Variants in IMMP2L observed in about 807,000 individuals in gnomAD.
The protein encoded by IMMP2L is inner mitochondrial membrane peptidase subunit 2.
In IMMP2L, 18 loss-of-function variants were observed where a neutral mutation model predicts 19.3. The observed-to-expected ratio is 0.93, with a 90% CI of 0.64 to 1.38. The LOEUF is 1.38. Ranked by LOEUF, IMMP2L falls within the 40% of genes most tolerant of loss-of-function variation. The pLI is 0.00. For missense variants in IMMP2L, 233 were observed against 218.2 expected, an observed-to-expected ratio of 1.07 and a Z score of -0.43; for synonymous variants, 76 against 73.0, an observed-to-expected ratio of 1.04 and a Z score of -0.21.
At chr7:111,328,518 T>C (rs1236154657) in intron 3 of IMMP2L, among the ~76,000 whole-genome samples, 2 of 151,780 alleles carry the variant, frequency 1.3e-5, no homozygotes, top group South Asian at 2.1e-4. Flanking sequence ...GAATATAAAG[T>C]AAATGGCAAT....
intron 3 of IMMP2L, among the ~76,000 whole-genome samples, chr7:111,458,373 C>T (rs1652381699): frequency 6.6e-6 from 1 of 151,106 alleles, no homozygotes; most frequent in Admixed American, 6.6e-5. Flanking sequence ...AACAAGACAC[C>T]ATCTCAAGAA....
intron 4 of IMMP2L, among the ~76,000 whole-genome samples, chr7:110,952,016 T>C (rs1817879718): frequency 6.6e-6 from 1 of 152,164 alleles, no homozygotes. Flanking sequence ...AGACTCTTTC[T>C]GACATGCTTC....
chr7:111,432,905 C>T (rs1344551198), intron 3 of IMMP2L, among the ~76,000 whole-genome samples: 1 of 150,314 alleles, frequency 6.7e-6, no homozygotes, highest in Non-Finnish European at 1.5e-5. Flanking sequence ...ACACCAGTAA[C>T]GACCTAGCCA....
At chr7:111,547,051 T>A (rs1309084290) in intron 1 of IMMP2L, among the ~76,000 whole-genome samples, 1 of 152,136 alleles carries the variant, frequency 6.6e-6, no homozygotes, top group Admixed American at 6.5e-5. Flanking sequence ...AAGTAAGTTT[T>A]TCTTAATCTA....
intron 4 of IMMP2L, among the ~76,000 whole-genome samples, chr7:110,922,750 C>A (rs1234876197): frequency 2.6e-5 from 4 of 152,038 alleles, no homozygotes; most frequent in African/African-American, 7.2e-5. Flanking sequence ...ATTCTGCAGC[C>A]ACCGATTGTA....
intron 3 of IMMP2L, among the ~76,000 whole-genome samples, chr7:111,263,636 T>TCC (rs1817550080): frequency 6.6e-6 from 1 of 152,158 alleles, no homozygotes; most frequent in African/African-American, 2.4e-5. Context: ...TCAATGGTAT[T>TCC]TTTAAACCAC....
At chr7:111,447,835 T>A (rs1838667735) in intron 3 of IMMP2L, among the ~76,000 whole-genome samples, 2 of 151,698 alleles carry the variant, frequency 1.3e-5, no homozygotes, top group Admixed American at 6.6e-5. Context: ...GAGACACACA[T>A]AGGCTCAAAA....
intron 3 of IMMP2L, among the ~76,000 whole-genome samples, chr7:111,480,231 C>T (rs1842062703): frequency 6.6e-6 from 1 of 151,562 alleles, no homozygotes; most frequent in South Asian, 2.1e-4. Flanking sequence ...CTACAGGCGC[C>T]CACCACCACG....
At chr7:110,684,894 C>T (rs546733764) in intron 5 of IMMP2L, among the ~76,000 whole-genome samples, 6 of 152,202 alleles carry the variant, frequency 3.9e-5, no homozygotes, top group African/African-American at 1.4e-4. Context: ...TCTGGCCACG[C>T]TCAACCTACT....
chr7:111,287,335 T>C (rs1362291371), intron 3 of IMMP2L, among the ~76,000 whole-genome samples: 1 of 152,148 alleles, frequency 6.6e-6, no homozygotes, highest in Non-Finnish European at 1.5e-5. Context: ...TCAGAAGTAT[T>C]TACTAAGCAA....
At chr7:111,414,546 G>A (rs1834779233) in intron 3 of IMMP2L, among the ~76,000 whole-genome samples, 1 of 151,798 alleles carries the variant, frequency 6.6e-6, no homozygotes. Context: ...GTAGGAGCAT[G>A]GGATTTTTAG....
intron 3 of IMMP2L, among the ~76,000 whole-genome samples, chr7:111,065,892 C>T (rs901655790): frequency 9.2e-6 from 1 of 108,202 alleles, no homozygotes; most frequent in Non-Finnish European, 1.9e-5. Flanking sequence ...CTAGAGAACC[C>T]TAATACAATG....
chr7:111,267,363 ATGT>A (rs1817944081), intron 3 of IMMP2L, among the ~76,000 whole-genome samples: 1 of 152,168 alleles, frequency 6.6e-6, no homozygotes, highest in South Asian at 2.1e-4. Flanking sequence ...GATTTATTCA[ATGT>A]CATTATTTAA....
At chr7:110,679,332 G>A (rs1289135196) in intron 5 of IMMP2L, among the ~76,000 whole-genome samples, 1 of 152,054 alleles carries the variant, frequency 6.6e-6, no homozygotes, top group Non-Finnish European at 1.5e-5. Flanking sequence ...AATATAATTT[G>A]GATAGTTAAC....
intron 3 of IMMP2L, among the ~76,000 whole-genome samples, chr7:111,155,083 G>C (rs1369731786): frequency 6.6e-6 from 1 of 151,998 alleles, no homozygotes. Flanking sequence ...AAATTCTGCT[G>C]GGGAGGAGAG....
intron 5 of IMMP2L, among the ~76,000 whole-genome samples, chr7:110,799,453 G>A (rs1337760221): frequency 6.6e-6 from 1 of 151,958 alleles, no homozygotes; most frequent in Non-Finnish European, 1.5e-5. Flanking sequence ...AATTTAGATT[G>A]TAAAGTTGTT....
At chr7:111,519,568 T>C (rs1846161212) in intron 2 of IMMP2L, among the ~76,000 whole-genome samples, 1 of 152,126 alleles carries the variant, frequency 6.6e-6, no homozygotes, top group Admixed American at 6.6e-5. Flanking sequence ...AATAACATGA[T>C]TTAACACTTT....
intron 3 of IMMP2L, among the ~76,000 whole-genome samples, chr7:110,983,049 T>C (rs1420971598): frequency 2.0e-5 from 3 of 152,094 alleles, no homozygotes; most frequent in Admixed American, 2.0e-4. Flanking sequence ...TTTATTCTAT[T>C]TATAGTCATG....
chr7:111,131,584 T>C (rs918066553), intron 3 of IMMP2L, among the ~76,000 whole-genome samples: 3 of 151,930 alleles, frequency 2.0e-5, no homozygotes, highest in Admixed American at 6.6e-5. Context: ...AAAATGAACA[T>C]TTGCCATCTT....
Sources: allele counts gnomAD v4.1 joint callset (sites outside exome capture counted in the v4.1 genomes callset), GRCh38; gene constraint gnomAD v4.1.1; transcripts MANE v1.5; gene names NCBI Gene and HGNC (gene_info 2026-07-23, HGNC 2026-07-21).